PRKG1: variants seen among roughly 807,000 people sequenced by gnomAD.
PRKG1 encodes protein kinase cGMP-dependent 1, also known as cGMP-dependent protein kinase 1.
Under a neutral mutation model 88.1 loss-of-function variants are expected in PRKG1, and 35 were observed. The observed-to-expected ratio is 0.40, with a 90% CI of 0.30 to 0.53. The LOEUF (loss-of-function observed/expected upper bound fraction) is 0.53, where lower values mean the gene tolerates loss of function less well. PRKG1 is among the 20% of genes least tolerant of loss of function. PRKG1 has a pLI of 0.59. For missense variants in PRKG1, 540 were observed against 839.8 expected (o/e 0.64, Z 4.41); for synonymous variants, 303 against 292.5 (o/e 1.04, Z -0.37).
At chr10:51,731,144 A>G (rs1329129096) in intron 3 of PRKG1, among the ~76,000 whole-genome samples, 1 of 152,280 alleles carries the variant, frequency 6.6e-6, no homozygotes, top group East Asian at 1.9e-4. Flanking sequence ...GCTCAGTCTC[A>G]AAGAAAAACA....
chr10:51,120,002 T>C (rs572697101), intron 1 of PRKG1, among the ~76,000 whole-genome samples: 1 of 152,260 alleles, frequency 6.6e-6, no homozygotes, highest in East Asian at 1.9e-4. Context: ...GTTCTCCATA[T>C]ATCAATGCCA....
chr10:51,840,315 A>G (rs946237490), intron 4 of PRKG1, among the ~76,000 whole-genome samples: 2 of 152,038 alleles, frequency 1.3e-5, no homozygotes, highest in Non-Finnish European at 2.9e-5. Flanking sequence ...TGCTTAGCTA[A>G]CATTTCATTT....
chr10:51,265,758 G>A (rs1276535861), intron 2 of PRKG1, among the ~76,000 whole-genome samples: 9 of 152,150 alleles, frequency 5.9e-5, no homozygotes, highest in Non-Finnish European at 1.2e-4. Flanking sequence ...TTCTGGTTGA[G>A]AAAACCATGG....
At chr10:51,822,408 T>C (rs962407085) in intron 4 of PRKG1, among the ~76,000 whole-genome samples, 1 of 152,022 alleles carries the variant, frequency 6.6e-6, no homozygotes, top group African/African-American at 2.4e-5. Context: ...TGGGGGTTTA[T>C]AGGGCTAGGA....
intron 3 of PRKG1, among the ~76,000 whole-genome samples, chr10:51,570,381 T>G (rs922718291): frequency 6.6e-6 from 1 of 151,864 alleles, no homozygotes; most frequent in African/African-American, 2.4e-5. Context: ...AAAATTGTTA[T>G]TAAGAAAATA....
chr10:51,701,523 G>A (rs539471074), intron 3 of PRKG1, among the ~76,000 whole-genome samples: 1 of 152,152 alleles, frequency 6.6e-6, no homozygotes, highest in African/African-American at 2.4e-5. Context: ...AAACGGAATA[G>A]TCACCTGCTA....
chr10:51,837,084 TC>T (rs1840151309), intron 4 of PRKG1, among the ~76,000 whole-genome samples: 1 of 152,180 alleles, frequency 6.6e-6, no homozygotes, highest in Non-Finnish European at 1.5e-5. Context: ...TTCTTCTCAC[TC>T]TTCTGCTATT....
At chr10:52,166,595 G>A (rs991357419) in intron 9 of PRKG1, among the ~76,000 whole-genome samples, 2 of 149,100 alleles carry the variant, frequency 1.3e-5, no homozygotes, top group Admixed American at 6.7e-5. Context: ...CACTATGCCC[G>A]GCTAATTTGA....
intron 5 of PRKG1, among the ~76,000 whole-genome samples, chr10:51,979,527 G>T (rs1399042930): frequency 7.6e-6 from 1 of 131,772 alleles, no homozygotes; most frequent in African/African-American, 2.8e-5. Context: ...TTTGGAAATA[G>T]TTTCAGTAGG....
At chr10:51,942,611 T>A in intron 5 of PRKG1, among the ~76,000 whole-genome samples, 1 of 147,180 alleles carries the variant, frequency 6.8e-6, no homozygotes, top group Non-Finnish European at 1.5e-5. Flanking sequence ...CTTTAATCCA[T>A]CTTGAATTAA....
chr10:51,682,513 C>T (rs1231772091), intron 3 of PRKG1, among the ~76,000 whole-genome samples: 2 of 152,178 alleles, frequency 1.3e-5, no homozygotes, highest in Non-Finnish European at 2.9e-5. Context: ...GCAACCAGTG[C>T]TAGCTCATGT....
At chr10:51,219,432 G>A (rs1290242277) in intron 2 of PRKG1, among the ~76,000 whole-genome samples, 3 of 152,016 alleles carry the variant, frequency 2.0e-5, no homozygotes, top group Admixed American at 6.6e-5. Context: ...AGGAGCGGCC[G>A]GGCGCAGTGG....
chr10:51,774,870 G>A (rs971616926), intron 3 of PRKG1, among the ~76,000 whole-genome samples: 11 of 152,082 alleles, frequency 7.2e-5, no homozygotes, highest in African/African-American at 2.7e-4. Flanking sequence ...GCAAATGGAA[G>A]TATACAAGCC....
At chr10:51,406,674 G>A (rs1464682743) in intron 2 of PRKG1, among the ~76,000 whole-genome samples, 1 of 147,046 alleles carries the variant, frequency 6.8e-6, no homozygotes, top group African/African-American at 2.5e-5. Flanking sequence ...TTCTATGGCT[G>A]TAGTTCATTT....
chr10:51,137,247 G>A (rs1845710438), intron 1 of PRKG1, among the ~76,000 whole-genome samples: 2 of 152,058 alleles, frequency 1.3e-5, no homozygotes, highest in Admixed American at 1.3e-4. Flanking sequence ...CAGGGTGGGG[G>A]GCAGGGAGGA....
In PRKG1 at chr10:51,916,579, C is replaced by A. The variant is rs948701575; in HGVS notation, c.762+9009C>A. ...TTACTCTGTGGACTCGCCTTGAATT[C>A]TTTCTTGTGTGATATCCAAGAACCC... On this transcript the variant is annotated intron_variant, in intron 5 of 17. Coordinates refer to ENST00000373980, the MANE Select transcript of PRKG1 (RefSeq NM_006258.4). Among the ~76,000 whole-genome samples, 3 of 152,288 alleles carry A rather than the reference C, an allele frequency of 2.0e-5. No homozygotes were observed. The South Asian group carries it at 6.2e-4, about 32-fold the overall frequency.
chr10:52,215,804 G>A (rs931659935), intron 9 of PRKG1, among the ~76,000 whole-genome samples: 6 of 152,098 alleles, frequency 3.9e-5, no homozygotes, highest in Non-Finnish European at 8.8e-5. Context: ...TAGATGATAA[G>A]GTAGATATTT....
intron 3 of PRKG1, among the ~76,000 whole-genome samples, chr10:51,719,542 A>T (rs1214943195): frequency 6.6e-6 from 1 of 152,242 alleles, no homozygotes; most frequent in African/African-American, 2.4e-5. Flanking sequence ...TAACTGTCAT[A>T]GATTGGAGAA....
chr10:51,383,527 C>T (rs766074929), intron 2 of PRKG1, among the ~76,000 whole-genome samples: 5 of 152,246 alleles, frequency 3.3e-5, no homozygotes, highest in Admixed American at 1.3e-4. Flanking sequence ...CAGAGGCACA[C>T]GGAGTTTAAG....
Sources: allele counts gnomAD v4.1 joint callset (sites outside exome capture counted in the v4.1 genomes callset), GRCh38; gene constraint gnomAD v4.1.1; transcripts MANE v1.5; gene names NCBI Gene and HGNC (gene_info 2026-07-23, HGNC 2026-07-21).